The following COL22A1 variants were observed in gnomAD, a reference collection of about 807,000 sequenced individuals.
The protein encoded by COL22A1 is collagen alpha-1(XXII) chain.
Under a neutral mutation model 248.9 loss-of-function variants are expected in COL22A1, and 221 were observed. The ratio of observed to expected loss-of-function variants is 0.89; its 90% CI spans 0.80 to 0.99. The LOEUF is 0.99. COL22A1 is among the 50% of genes least tolerant of loss of function. The pLI is 0.00. For missense variants in COL22A1, 2,240 were observed against 2,179.0 expected (o/e 1.03, Z -0.56); for synonymous variants, 891 against 793.4 (o/e 1.12, Z -2.07).
At chr8:138,862,036 A>AG (rs1822511051) in intron 3 of COL22A1, among the ~76,000 whole-genome samples, 1 of 149,886 alleles carries the variant, frequency 6.7e-6, no homozygotes, top group African/African-American at 2.5e-5. Flanking sequence ...TAAAAAAAAA[A>AG]AAAAAAAAAA....
chr8:138,623,237 C>CATATAT (rs5895541), intron 52 of COL22A1, among the ~76,000 whole-genome samples: 9 of 141,438 alleles, frequency 6.4e-5, no homozygotes, highest in African/African-American at 2.4e-4. Context: ...TGTGTGTGTA[C>CATATAT]ATATATATAT....
chr8:138,694,546 G>A lies in COL22A1; in HGVS notation c.2662C>T (p.Pro888Ser). ...GGTCCCTGAGGCCCCAATTCTCCAGGACGGCCCTGCAGTCCCTGTAAGCAC... is the reference window on the plus strand; with the variant it reads ...GGTCCCTGAGGCCCCAATTCTCCAGAACGGCCCTGCAGTCCCTGTAAGCAC... ...LPGEPGLQGR[P>S]GELGPQGPTG... is the part of the protein sequence containing the mutation. Residue 888 changes from proline to serine, a missense_variant, in exon 34 of 65, where the codon CCT becomes TCT. Physicochemically the swap from Pro to Ser is moderately conservative, Grantham distance 74. Coordinates refer to ENST00000303045, the MANE Select transcript of COL22A1 (RefSeq NM_152888.3). The A allele has an allele frequency of 1.2e-6, 2 of 1,614,104 alleles. No individual in the cohort carries two copies. Among genetic ancestry groups the A allele is most frequent in the Non-Finnish European group, 1.7e-6 (2 of 1,179,988 alleles).
chr8:138,644,260 C>T (rs910993583), intron 47 of COL22A1, among the ~76,000 whole-genome samples: 7 of 152,062 alleles, frequency 4.6e-5, no homozygotes, highest in Non-Finnish European at 8.8e-5. Flanking sequence ...TATTTTGTTC[C>T]TCATGAAATG....
In COL22A1 at chr8:138,626,095, C is replaced by T. The variant is rs996071264; in HGVS notation, c.3717+95G>A. The T allele has an allele frequency of 8.8e-6, 8 of 908,142 alleles. No individual in the cohort carries two copies. In the Admixed American group the frequency reaches 1.9e-4, roughly 22 times the overall value. 56.3% of individuals were successfully genotyped at this position (908,142 alleles called of 1,614,324 possible). A position where few individuals can be genotyped will look rare whatever the true frequency, so the allele number is the denominator to read the frequency against. On this transcript the variant is annotated intron_variant, in intron 51 of 64. Transcript: ENST00000303045. ...AACACTCAAAATTCTAGTGGCCAGG[C>T]CTTGTTTTGACAGTGGAATATATTT... is the stretch of plus-strand genomic sequence containing the variant.
intron 23 of COL22A1, among the ~76,000 whole-genome samples, chr8:138,725,824 T>A (rs1414283791): frequency 6.6e-6 from 1 of 151,148 alleles, no homozygotes; most frequent in Non-Finnish European, 1.5e-5. Flanking sequence ...CATAAAGGCC[T>A]TCCAGAAGAG....
intron 3 of COL22A1, among the ~76,000 whole-genome samples, chr8:138,856,502 G>C (rs2131931643): frequency 1.3e-5 from 2 of 151,278 alleles, no homozygotes; most frequent in Middle Eastern, 3.4e-3. Flanking sequence ...GAGAGAGACA[G>C]AGAGAGAGAG....
At chr8:138,762,970 C>G (rs1295788422) in intron 16 of COL22A1, among the ~76,000 whole-genome samples, 1 of 152,212 alleles carries the variant, frequency 6.6e-6, no homozygotes, top group Non-Finnish European at 1.5e-5. Flanking sequence ...TCAGACGGAG[C>G]TGACTGAGTG....
intron 43 of COL22A1, among the ~76,000 whole-genome samples, chr8:138,661,461 C>A (rs1036681787): frequency 6.6e-6 from 1 of 152,178 alleles, no homozygotes; most frequent in African/African-American, 2.4e-5. Flanking sequence ...GGATCAAGTA[C>A]CTTCTATGTG....
At chr8:138,805,341 T>TGGTGTGGATGTGTGAG (rs1817433519) in intron 10 of COL22A1, among the ~76,000 whole-genome samples, 1 of 139,240 alleles carries the variant, frequency 7.2e-6, no homozygotes, top group Non-Finnish European at 1.6e-5. Flanking sequence ...GGCTGTGTGA[T>TGGTGTGGATGTGTGAG]GGTGTGGATG....
chr8:138,696,873 G>A (rs1199806704), intron 32 of COL22A1, among the ~76,000 whole-genome samples: 1 of 152,174 alleles, frequency 6.6e-6, no homozygotes, highest in Non-Finnish European at 1.5e-5. Context: ...TTTCTAGCAT[G>A]TTTTCCTCCT....
chr8:138,734,313 T>C (rs1482922585), intron 23 of COL22A1, among the ~76,000 whole-genome samples: 3 of 152,236 alleles, frequency 2.0e-5, no homozygotes, highest in Non-Finnish European at 2.9e-5. Flanking sequence ...CGAATTCTCA[T>C]GGCATAGACT....
intron 16 of COL22A1, among the ~76,000 whole-genome samples, chr8:138,766,067 A>T (rs768530678): frequency 3.3e-5 from 5 of 152,170 alleles, no homozygotes; most frequent in Non-Finnish European, 7.4e-5. Context: ...CAAGGGCTGG[A>T]CCCTAAATCC....
At chr8:138,764,528 GC>G (rs1833770045) in intron 16 of COL22A1, among the ~76,000 whole-genome samples, 1 of 152,222 alleles carries the variant, frequency 6.6e-6, no homozygotes, top group Non-Finnish European at 1.5e-5. Context: ...CCCTCTCTGG[GC>G]TCTGCAGTTT....
chr8:138,907,887 G>T (rs1286885587), intron 1 of COL22A1, among the ~76,000 whole-genome samples: 1 of 152,140 alleles, frequency 6.6e-6, no homozygotes, highest in African/African-American at 2.4e-5. Context: ...TCCATGAGGG[G>T]TGTGCCCTCA....
intron 10 of COL22A1, among the ~76,000 whole-genome samples, chr8:138,804,198 T>A (rs939462745): frequency 6.6e-6 from 1 of 152,172 alleles, no homozygotes; most frequent in Non-Finnish European, 1.5e-5. Context: ...ACTCAGCCTA[T>A]GCATGTGGAC....
intron 3 of COL22A1, among the ~76,000 whole-genome samples, chr8:138,859,423 G>T (rs1277032835): frequency 6.6e-6 from 1 of 152,212 alleles, no homozygotes; most frequent in African/African-American, 2.4e-5. Flanking sequence ...GGCTGCCCAT[G>T]GCCCTCCCCG....
chr8:138,717,172 G>T (rs1387805456), intron 27 of COL22A1, among the ~76,000 whole-genome samples: 1 of 151,616 alleles, frequency 6.6e-6, no homozygotes, highest in South Asian at 2.1e-4. Flanking sequence ...TTTTGAGACG[G>T]AGTCTCACTC....
chr8:138,722,756 A>G (rs1160511015), intron 25 of COL22A1, among the ~76,000 whole-genome samples: 1 of 149,828 alleles, frequency 6.7e-6, no homozygotes, highest in Non-Finnish European at 1.5e-5. Flanking sequence ...GCAAGGTTTA[A>G]CGGACTCCAC....
chr8:138,825,131 G>A (rs1819482459), intron 6 of COL22A1, among the ~76,000 whole-genome samples: 1 of 152,152 alleles, frequency 6.6e-6, no homozygotes, highest in African/African-American at 2.4e-5. Context: ...CAAGACCTGT[G>A]CAATTGGAGA....
Sources: allele counts gnomAD v4.1 joint callset (sites outside exome capture counted in the v4.1 genomes callset), GRCh38; gene constraint gnomAD v4.1.1; transcripts MANE v1.5; gene names NCBI Gene and HGNC (gene_info 2026-07-23, HGNC 2026-07-21).